Variants in FNDC1 observed in about 807,000 individuals in gnomAD.
FNDC1 encodes the protein fibronectin type III domain containing 1, also known as fibronectin type III domain-containing protein 1.
FNDC1 carries 96 observed loss-of-function variants against 168.0 expected under a neutral mutation model. The ratio of observed to expected loss-of-function variants is 0.57; its 90% confidence interval spans 0.48 to 0.68. The LOEUF (loss-of-function observed/expected upper bound fraction) is 0.68. Ranked by LOEUF, FNDC1 falls within the 30% of genes least tolerant of loss-of-function variation. FNDC1 has a pLI of 0.00. For synonymous variants in FNDC1, 1,099 were observed against 1,025.9 expected (o/e 1.07, Z -1.36); for missense variants, 2,587 against 2,482.1 (o/e 1.04, Z -0.90).
At chr6:159,256,769 A>G in intron 18 of FNDC1, 138 bp downstream of exon 18, 2 of 675,044 alleles carry the variant, frequency 3.0e-6, no homozygotes, top group East Asian at 5.1e-5. Flanking sequence ...TAGAATGTCA[A>G]TGCATGCTTA....
chr6:159,205,138 C>T (rs1782461314), intron 4 of FNDC1, among the ~76,000 whole-genome samples: 1 of 152,112 alleles, frequency 6.6e-6, no homozygotes, highest in Non-Finnish European at 1.5e-5. Flanking sequence ...TGGATCCCTC[C>T]CAGTGCCTGG....
chr6:159,226,777 T>C (rs1193644465), intron 9 of FNDC1, among the ~76,000 whole-genome samples, 197 bp downstream of exon 9: 1 of 152,248 alleles, frequency 6.6e-6, no homozygotes, highest in Non-Finnish European at 1.5e-5. Flanking sequence ...ATTCTTTTCA[T>C]CCTCCTGTGA....
chr6:159,178,776 T>C (rs1434591583), intron 1 of FNDC1, among the ~76,000 whole-genome samples: 2 of 151,366 alleles, frequency 1.3e-5, no homozygotes. Flanking sequence ...GGAGAAATCA[T>C]GGCATGCAAT....
intron 17 of FNDC1, among the ~76,000 whole-genome samples, chr6:159,256,145 T>C (rs912087181): frequency 2.6e-4 from 40 of 152,340 alleles, no homozygotes; most frequent in African/African-American, 8.7e-4. Context: ...AGGGCAATGG[T>C]GTACTATCTT....
chr6:159,175,508 C>G (rs1362023915), intron 1 of FNDC1, among the ~76,000 whole-genome samples: 1 of 152,194 alleles, frequency 6.6e-6, no homozygotes, highest in Non-Finnish European at 1.5e-5. Context: ...TTGATCTGCT[C>G]AGAATGCCTT....
At chr6:159,242,029 C>A (rs1253602018) in intron 14 of FNDC1, among the ~76,000 whole-genome samples, 3 of 152,060 alleles carry the variant, frequency 2.0e-5, no homozygotes, top group African/African-American at 4.8e-5. Flanking sequence ...AAGATACATG[C>A]ACATGTATGT....
At chr6:159,256,029 G>A (rs1332834375) in intron 17 of FNDC1, among the ~76,000 whole-genome samples, 1 of 152,188 alleles carries the variant, frequency 6.6e-6, no homozygotes, top group Non-Finnish European at 1.5e-5. Context: ...ATGAGAAATC[G>A]CAGGACAGCC....
In FNDC1 at chr6:159,239,113, G is replaced by T. The variant is rs1783335800; in HGVS notation, c.4181-404G>T. The stretch of plus-strand genomic sequence containing the variant: ...GAACACAATACACTCACTTAATTAT[G>T]CACTGTCTAACTCATTTTTTATGTG... On this transcript the variant is annotated intron_variant, in intron 13 of 22. Coordinates refer to ENST00000297267, the MANE Select transcript of FNDC1 (RefSeq NM_032532.3). Among the ~76,000 whole-genome samples, 6 of 152,178 alleles carry T rather than the reference G, an allele frequency of 3.9e-5. No homozygotes were observed. In the South Asian group the frequency reaches 1.2e-3, roughly 32 times the overall value.
Position 159,232,843 on chromosome 6 carries a change from C to T in FNDC1, c.2331C>T (p.Val777=). Residue 777 remains valine, a synonymous_variant, in exon 11 of 23, where the codon GTC becomes GTT. Transcript: ENST00000297267. This position sits in a 1 kb window ranked among gnomAD's most constrained non-coding sequence, Gnocchi z 4.9. The stretch of plus-strand genomic sequence containing the variant: ...CTCATCTCTCGTCCAGGACGCAGGT[C>T]TCTGAGGGAGCGGAGGCTTCTGATG... ...VSSHLSSRTQ[V]SEGAEASDGE... 1 of 1,613,922 alleles carries T rather than the reference C, an allele frequency of 6.2e-7. No individual in the cohort carries two copies. Among genetic ancestry groups the T allele is most frequent in the Non-Finnish European group, 8.5e-7 (1 of 1,179,906 alleles).
chr6:159,234,309 C>T lies in FNDC1; in HGVS notation c.3797C>T (p.Ala1266Val). 4.4e-6 allele frequency: 7 copies of T among 1,608,182 alleles called. No homozygotes were observed. The highest frequency in any genetic ancestry group is 5.9e-6 in the Non-Finnish European group (7 of 1,177,436). Residue 1266 changes from alanine to valine, a missense_variant, in exon 11 of 23, where the codon GCT (alanine) becomes GTT (valine). Coordinates refer to ENST00000297267, the MANE Select transcript of FNDC1 (RefSeq NM_032532.3). The part of the protein sequence containing the change: ...HVPSRLPPRS[A>V]ATVSPVAGTH... The stretch of plus-strand genomic sequence containing the variant: ...CCTTCCCGACTGCCGCCTCGCAGCG[C>T]TGCCACCGTGAGCCCCGTCGCGGGC...
In FNDC1 at chr6:159,225,605, C is replaced by T. The variant is rs779471491; in HGVS notation, c.955C>T (p.Arg319Cys). The change falls in exon 8 of 23, where the codon CGT becomes TGT. Residue 319 changes from arginine to cysteine, a missense_variant. Arg to Cys is a radical substitution (Grantham distance 180). Coordinates refer to ENST00000297267, the MANE Select transcript of FNDC1 (RefSeq NM_032532.3). ...RWDYKQIANR[R>C]VLIENLIPDT... is the part of the protein sequence containing the mutation. ...GGATTATAAGCAGATCGCTAACAGG[C>T]GTGTGCTGATTGAGAACCTGATTCC... 3 of 1,613,822 alleles carry T rather than the reference C, an allele frequency of 1.9e-6. No homozygotes were observed. The highest frequency in any genetic ancestry group is 2.5e-6 in the Non-Finnish European group (3 of 1,179,826).
chr6:159,183,562 A>G (rs1253054682), intron 1 of FNDC1, among the ~76,000 whole-genome samples: 2 of 152,192 alleles, frequency 1.3e-5, no homozygotes, highest in Non-Finnish European at 2.9e-5. Context: ...GGTGTGCTAC[A>G]TGGGTAGAGA....
chr6:159,251,066 A>T (rs190709662), intron 16 of FNDC1, among the ~76,000 whole-genome samples: 7 of 152,284 alleles, frequency 4.6e-5, no homozygotes, highest in African/African-American at 1.7e-4. Flanking sequence ...GGGCATAGTC[A>T]TTGATGTCCA....
intron 22 of FNDC1, among the ~76,000 whole-genome samples, chr6:159,269,506 C>CCATG (rs1236115493): frequency 0.14 from 15,995 of 111,418 alleles, 1,988 homozygotes; most frequent in Non-Finnish European, 0.18. Flanking sequence ...ATCTATCCAT[C>CCATG]CATCCATGCA....
chr6:159,260,367 A>C (rs186040311), intron 18 of FNDC1, among the ~76,000 whole-genome samples: 1 of 152,350 alleles, frequency 6.6e-6, no homozygotes, highest in East Asian at 1.9e-4. Flanking sequence ...ACATGCTTCG[A>C]GACTCAGTCT....
At chr6:159,187,043 G>T (rs1259555332) in intron 1 of FNDC1, among the ~76,000 whole-genome samples, 1 of 152,204 alleles carries the variant, frequency 6.6e-6, no homozygotes, top group Admixed American at 6.5e-5. Context: ...GGTGGCTGGA[G>T]AGGTGAGCCC....
intron 12 of FNDC1, among the ~76,000 whole-genome samples, chr6:159,236,980 TA>T (rs1461236762): frequency 6.6e-6 from 1 of 152,116 alleles, no homozygotes; most frequent in Non-Finnish European, 1.5e-5. Flanking sequence ...TTTCTAAGAA[TA>T]AAAAAATTAT....
intron 9 of FNDC1, among the ~76,000 whole-genome samples, chr6:159,227,785 A>C (rs1054519927): frequency 2.6e-5 from 4 of 152,130 alleles, no homozygotes; most frequent in Admixed American, 6.5e-5. Flanking sequence ...CACGCATAAA[A>C]TACACTAACA....
Position 159,219,610 on chromosome 6 carries a change from G to A in FNDC1, c.668-1988G>A, listed in dbSNP as rs145353029. On this transcript the variant is annotated intron_variant, in intron 5 of 22. Transcript: ENST00000297267. Reference sequence around the variant, plus strand: ...GTTGAGACTCAATGAAGATGCGCGCGTGAGAAGCTTAGCACAGGGGAGAGC... The same window carrying A: ...GTTGAGACTCAATGAAGATGCGCGCATGAGAAGCTTAGCACAGGGGAGAGC... Among the ~76,000 whole-genome samples the A allele has an allele frequency of 9.3e-4, 142 of 152,282 alleles. 1 individual carries two copies. Among genetic ancestry groups the A allele is most frequent in the African/African-American group, 3.0e-3 (125 of 41,550 alleles).
Sources: gnomAD v4.1 joint callset for allele counts (sites outside exome capture counted in the v4.1 genomes callset) on GRCh38, gnomAD v4.1.1 for gene constraint, Gnocchi (gnomAD v3.1) non-coding constraint, MANE v1.5 for transcripts, NCBI Gene and HGNC (gene_info 2026-07-23, HGNC 2026-07-21) for gene names.